PLCG2: variants seen among roughly 807,000 people sequenced by gnomAD.
PLCG2 encodes phospholipase C gamma 2, also known as 1-phosphatidylinositol 4,5-bisphosphate phosphodiesterase gamma-2.
In PLCG2, 69 loss-of-function variants were observed where a neutral mutation model predicts 175.6. The ratio of observed to expected loss-of-function variants is 0.39; its 90% CI spans 0.32 to 0.48. The LOEUF (loss-of-function observed/expected upper bound fraction) is 0.48, where lower values mean the gene tolerates loss of function less well. Ranked by LOEUF, PLCG2 falls within the 20% of genes least tolerant of loss-of-function variation. PLCG2 has a pLI of 0.91. For missense variants in PLCG2, 1,798 were observed against 1,650.9 expected, an observed-to-expected ratio of 1.09 and a Z score of -1.54; for synonymous variants, 827 against 624.0, an observed-to-expected ratio of 1.33 and a Z score of -4.85.
chr16:81,793,945 T>G (rs1911351908), intron 2 of PLCG2, among the ~76,000 whole-genome samples: 2 of 152,262 alleles, frequency 1.3e-5, no homozygotes, highest in African/African-American at 4.8e-5. Context: ...TTTCTTCTCC[T>G]AAATGATCTC....
In PLCG2 at chr16:81,864,028, G is replaced by A. The variant is rs1461580695; in HGVS notation, c.479+4865G>A. 3.3e-5 allele frequency among the ~76,000 whole-genome samples: 5 copies of A among 152,308 alleles called. No individual in the cohort carries two copies. The South Asian group carries it at 8.3e-4, about 25-fold the overall frequency. ...TTTACTGTTCTGGGCATGGCCTCTG[G>A]CGTTGCAAATTTTTTAAATAAGATT... On this transcript the variant is annotated intron_variant, in intron 5 of 32. Coordinates refer to ENST00000564138, the MANE Select transcript of PLCG2 (RefSeq NM_002661.5).
At chr16:81,939,804 G>C in intron 29 of PLCG2, 88 bp from the exon 30 acceptor site, 1 of 826,672 alleles carries the variant, frequency 1.2e-6, no homozygotes, top group Non-Finnish European at 2.0e-6. Context: ...GGTTGCTAAG[G>C]GGATTCACAG....
chr16:81,904,022 C>T (rs1909261012), intron 14 of PLCG2, among the ~76,000 whole-genome samples: 1 of 152,204 alleles, frequency 6.6e-6, no homozygotes, highest in Admixed American at 6.5e-5. Flanking sequence ...AACCTCAGCC[C>T]TTGCCCACTT....
intron 2 of PLCG2, among the ~76,000 whole-genome samples, chr16:81,817,142 C>T (rs1008164513): frequency 2.6e-5 from 4 of 152,048 alleles, no homozygotes; most frequent in African/African-American, 4.8e-5. Flanking sequence ...TCTTTACAAG[C>T]GAAGTCAGCA....
intron 2 of PLCG2, among the ~76,000 whole-genome samples, chr16:81,808,887 G>T (rs1904294780): frequency 1.3e-5 from 2 of 152,190 alleles, no homozygotes; most frequent in Non-Finnish European, 2.9e-5. Flanking sequence ...CATGCTGGAG[G>T]GGCTCCCATG....
At chr16:81,886,498 C>T (rs946945865) in intron 9 of PLCG2, among the ~76,000 whole-genome samples, 1 of 152,218 alleles carries the variant, frequency 6.6e-6, no homozygotes, top group African/African-American at 2.4e-5. Flanking sequence ...GTTGCCCTCC[C>T]AGACACTTAT....
intron 2 of PLCG2, among the ~76,000 whole-genome samples, chr16:81,762,012 T>C (rs1028118762): frequency 4.0e-5 from 6 of 151,804 alleles, no homozygotes; most frequent in African/African-American, 1.5e-4. Flanking sequence ...TTGTATTTTT[T>C]AGTAGAGATG....
intron 1 of PLCG2, among the ~76,000 whole-genome samples, chr16:81,755,457 C>T (rs1313945526): frequency 2.6e-5 from 4 of 151,716 alleles, no homozygotes; most frequent in South Asian, 2.1e-4. Flanking sequence ...CTGCCCACCT[C>T]GGCCTCCCAA....
chr16:81,760,877 C>G (rs964194976), intron 2 of PLCG2, among the ~76,000 whole-genome samples: 5 of 152,014 alleles, frequency 3.3e-5, no homozygotes, highest in African/African-American at 1.2e-4. Flanking sequence ...CCAGCCTGTG[C>G]AATATAGTGA....
At chr16:81,746,383 G>A (rs1341975637) in intron 1 of PLCG2, among the ~76,000 whole-genome samples, 1 of 152,168 alleles carries the variant, frequency 6.6e-6, no homozygotes, top group Non-Finnish European at 1.5e-5. Context: ...AAGCATGGCC[G>A]CAGCGGTGAA....
intron 31 of PLCG2, among the ~76,000 whole-genome samples, chr16:81,946,834 T>G (rs945337768): frequency 6.6e-6 from 1 of 152,150 alleles, no homozygotes; most frequent in Non-Finnish European, 1.5e-5. Context: ...AGCTGAATGG[T>G]AAAACTGTAA....
chr16:81,921,885 A>G (rs563703613), intron 21 of PLCG2, among the ~76,000 whole-genome samples: 1 of 152,350 alleles, frequency 6.6e-6, no homozygotes, highest in Admixed American at 6.5e-5. Flanking sequence ...AAAAATTTAT[A>G]ATCCATGGCC....
chr16:81,749,721 A>T (rs1318962910), intron 1 of PLCG2, among the ~76,000 whole-genome samples: 1 of 152,218 alleles, frequency 6.6e-6, no homozygotes, highest in African/African-American at 2.4e-5. Flanking sequence ...TTGGAGGGCA[A>T]TTTGGTGTTT....
At chr16:81,919,417 G>T (rs182815047) in intron 19 of PLCG2, 67 bp from the exon 20 acceptor site, 197 of 1,266,288 alleles carry the variant, frequency 1.6e-4, no homozygotes, top group African/African-American at 1.4e-3. Context: ...TAATCAGTAG[G>T]GTTTGTGTAA....
chr16:81,801,444 A>G (rs1911712741), intron 2 of PLCG2, among the ~76,000 whole-genome samples: 1 of 152,018 alleles, frequency 6.6e-6, no homozygotes. Flanking sequence ...CCTTGTGAAG[A>G]TTTTCCATGT....
chr16:81,748,212 A>C (rs1373616109), intron 1 of PLCG2, among the ~76,000 whole-genome samples: 3 of 152,126 alleles, frequency 2.0e-5, no homozygotes, highest in Non-Finnish European at 4.4e-5. Flanking sequence ...CAACATGGTG[A>C]AACTCCATCT....
chr16:81,816,651 A>ATTTTTTTTTT (rs71146047), intron 2 of PLCG2, among the ~76,000 whole-genome samples: 2 of 108,876 alleles, frequency 1.8e-5, no homozygotes, highest in African/African-American at 3.8e-5. Flanking sequence ...GCTAATTTTA[A>ATTTTTTTTTT]TTTTTTTTTT....
At chr16:81,844,309 T>C (rs573005711) in intron 2 of PLCG2, among the ~76,000 whole-genome samples, 1 of 151,566 alleles carries the variant, frequency 6.6e-6, no homozygotes, top group African/African-American at 2.4e-5. Context: ...TCATTTTTCT[T>C]TTCCTTTCTT....
chr16:81,798,485 G>C (rs1266489668), intron 2 of PLCG2: 1 of 152,292 alleles, frequency 6.6e-6, no homozygotes, highest in African/African-American at 2.4e-5. Context: ...GCTTGGAGAA[G>C]GAGCGTCGAC....
Sources: allele counts gnomAD v4.1 joint callset (sites outside exome capture counted in the v4.1 genomes callset), GRCh38; gene constraint gnomAD v4.1.1; transcripts MANE v1.5; gene names NCBI Gene and HGNC (gene_info 2026-07-23, HGNC 2026-07-21).